The following SENP7 variants were observed in gnomAD, a reference collection of about 807,000 sequenced individuals.
SENP7 encodes the protein sentrin-specific protease 7.
In SENP7, 64 loss-of-function variants were observed where a neutral mutation model predicts 141.2. The ratio of observed to expected loss-of-function variants is 0.45; its 90% confidence interval spans 0.37 to 0.56. The LOEUF (loss-of-function observed/expected upper bound fraction) is 0.56. Among genes scored for constraint, SENP7 ranks in the 20% least tolerant of loss-of-function variants. The pLI, the probability that SENP7 is intolerant of heterozygous loss-of-function variation, is 0.00. For synonymous variants in SENP7, 382 were observed against 426.4 expected (o/e 0.90, Z 1.28); for missense variants, 1,025 against 1,212.2 (o/e 0.85, Z 2.29).
chr3:101,335,530 G>A (rs950233871), intron 17 of SENP7, among the ~76,000 whole-genome samples: 17 of 152,016 alleles, frequency 1.1e-4, no homozygotes, highest in Admixed American at 2.0e-4. Flanking sequence ...TGTGTGTGTA[G>A]TATCTTATGC....
At chr3:101,466,948 G>C (rs930519371) in intron 3 of SENP7, among the ~76,000 whole-genome samples, 2 of 152,174 alleles carry the variant, frequency 1.3e-5, no homozygotes, top group Non-Finnish European at 2.9e-5. Context: ...AGCTGTGACA[G>C]GCTACGTGGA....
chr3:101,499,521 A>C (rs2065288217), intron 2 of SENP7, among the ~76,000 whole-genome samples: 1 of 139,610 alleles, frequency 7.2e-6, no homozygotes, highest in African/African-American at 2.6e-5. Context: ...GGCACCTGCC[A>C]TCATGCCCAG....
At chr3:101,485,954 T>C (rs1429210710) in intron 3 of SENP7, among the ~76,000 whole-genome samples, 1 of 152,078 alleles carries the variant, frequency 6.6e-6, no homozygotes, top group East Asian at 1.9e-4. Context: ...GACACACTTT[T>C]AGAAACGTGA....
chr3:101,443,074 T>C (rs1035159393), intron 4 of SENP7, among the ~76,000 whole-genome samples: 1 of 152,250 alleles, frequency 6.6e-6, no homozygotes, highest in Non-Finnish European at 1.5e-5. Flanking sequence ...AGGGTTTTTA[T>C]GGTTTTAGGT....
intron 3 of SENP7, among the ~76,000 whole-genome samples, chr3:101,471,814 C>A (rs1389954564): frequency 1.3e-5 from 2 of 152,278 alleles, no homozygotes; most frequent in East Asian, 1.9e-4. Context: ...AAAAAACAAA[C>A]AACCCCCTCA....
intron 7 of SENP7, among the ~76,000 whole-genome samples, chr3:101,369,792 CTT>C (rs1183141401): frequency 6.6e-6 from 1 of 152,118 alleles, no homozygotes; most frequent in African/African-American, 2.4e-5. Context: ...AAAGGAATAA[CTT>C]TATTATATAG....
intron 11 of SENP7, among the ~76,000 whole-genome samples, chr3:101,360,280 G>A (rs1483350933): frequency 6.6e-6 from 1 of 152,126 alleles, no homozygotes; most frequent in Non-Finnish European, 1.5e-5. Flanking sequence ...TTAGGTCTTT[G>A]TCTGCATGGG....
chr3:101,340,608 C>T (rs1338521273), intron 15 of SENP7, among the ~76,000 whole-genome samples: 2 of 152,172 alleles, frequency 1.3e-5, no homozygotes, highest in African/African-American at 2.4e-5. Context: ...TTTGAATCCT[C>T]AAGACTAGTT....
At position 101,349,925 on chromosome 3, in the gene SENP7, T is replaced by C. The variant is rs527882552; in HGVS notation, c.1657+1693A>G. On this transcript the variant is annotated intron_variant, in intron 12 of 23. Transcript: ENST00000394095. ...ACACAGTTTTGAAAACTCTATTTCC[T>C]AGCTTCCTTTACAAACGGGTGTGTG... Among the ~76,000 whole-genome samples, 15 of 152,254 alleles carry C rather than the reference T, an allele frequency of 9.9e-5. No individual in the cohort carries two copies. In the South Asian group the frequency reaches 3.1e-3, roughly 32 times the overall value.
chr3:101,435,552 AAACT>A (rs1396504998), intron 4 of SENP7, among the ~76,000 whole-genome samples: 1 of 152,106 alleles, frequency 6.6e-6, no homozygotes, highest in East Asian at 1.9e-4. Context: ...CTCCATGAAA[AAACT>A]ATTAGAACTG....
chr3:101,421,139 G>A (rs2061779797), intron 4 of SENP7, among the ~76,000 whole-genome samples: 1 of 151,878 alleles, frequency 6.6e-6, no homozygotes, highest in Admixed American at 6.6e-5. Flanking sequence ...ATTGTTCTTA[G>A]GAAAAGCAAG....
At chr3:101,472,807 T>C (rs2064056832) in intron 3 of SENP7, among the ~76,000 whole-genome samples, 1 of 152,138 alleles carries the variant, frequency 6.6e-6, no homozygotes, top group South Asian at 2.1e-4. Context: ...GTTTGTTACA[T>C]AGGTAAACTT....
At chr3:101,349,695 T>TA (rs1469551658) in intron 12 of SENP7, among the ~76,000 whole-genome samples, 1 of 152,076 alleles carries the variant, frequency 6.6e-6, no homozygotes, top group Admixed American at 6.6e-5. Flanking sequence ...AATAATAATT[T>TA]AAAAAAAGAT....
In SENP7 at chr3:101,332,786, C is replaced by A; in HGVS notation, c.2557G>T (p.Val853Leu). Residue 853 changes from valine to leucine, a missense_variant, in exon 18 of 24, where the codon GTA becomes TTA. Val to Leu is a conservative substitution (Grantham distance 32). Transcript: ENST00000394095. The stretch of plus-strand genomic sequence containing the variant: ...AATACTTACGACTCATTTACAGGTA[C>A]AAAGATGTAATCTTTATTAAAAATG... ...INIFNKDYIF[V>L]PVNESSHWYL... The A allele has an allele frequency of 6.5e-7, 1 of 1,533,840 alleles. No individual in the cohort carries two copies. Among genetic ancestry groups the A allele is most frequent in the Non-Finnish European group, 8.7e-7 (1 of 1,146,344 alleles).
intron 4 of SENP7, among the ~76,000 whole-genome samples, chr3:101,444,356 T>A (rs538932039): frequency 4.6e-5 from 7 of 151,800 alleles, no homozygotes; most frequent in Non-Finnish European, 2.9e-5. Context: ...GATCTAGAAC[T>A]AGAAATACCA....
At chr3:101,489,400 T>C (rs961049188) in intron 3 of SENP7, among the ~76,000 whole-genome samples, 56 of 151,866 alleles carry the variant, frequency 3.7e-4, no homozygotes, top group African/African-American at 1.3e-3. Flanking sequence ...AACCATCTGC[T>C]ATCTTCAAGA....
intron 4 of SENP7, among the ~76,000 whole-genome samples, chr3:101,448,700 G>A (rs2062994850): frequency 6.6e-6 from 1 of 152,094 alleles, no homozygotes; most frequent in African/African-American, 2.4e-5. Context: ...AAACAGAAAG[G>A]ACATCCACAC....
At chr3:101,474,326 T>C (rs551412929) in intron 3 of SENP7, among the ~76,000 whole-genome samples, 2 of 152,350 alleles carry the variant, frequency 1.3e-5, no homozygotes, top group Admixed American at 6.5e-5. Flanking sequence ...TCCATGAGCA[T>C]GGAATGTGCT....
At chr3:101,425,076 A>G (rs1490438951) in intron 4 of SENP7, among the ~76,000 whole-genome samples, 1 of 152,190 alleles carries the variant, frequency 6.6e-6, no homozygotes, top group Non-Finnish European at 1.5e-5. Flanking sequence ...CCATAGTCAC[A>G]TGGAACTGTG....
Sources: allele counts gnomAD v4.1 joint callset (sites outside exome capture counted in the v4.1 genomes callset), GRCh38; gene constraint gnomAD v4.1.1; transcripts MANE v1.5; gene names NCBI Gene and HGNC (gene_info 2026-07-23, HGNC 2026-07-21).